The following PUS7L variants were observed in gnomAD, a reference collection of about 807,000 sequenced individuals.
PUS7L encodes the protein pseudouridine synthase 7 like.
Under a neutral mutation model 51.1 loss-of-function variants are expected in PUS7L, and 49 were observed. The observed-to-expected ratio is 0.96, with a 90% confidence interval of 0.76 to 1.22. The LOEUF is 1.22. PUS7L is among the 50% of genes most tolerant of loss of function. PUS7L has a pLI of 0.00. For synonymous variants in PUS7L, 277 were observed against 276.2 expected, an observed-to-expected ratio of 1.00 and a Z score of -0.03; for missense variants, 828 against 820.6, an observed-to-expected ratio of 1.01 and a Z score of -0.11.
At chr12:43,748,374 T>C in intron 3 of PUS7L, 76 bp downstream of exon 3, 6 of 1,082,464 alleles carry the variant, frequency 5.5e-6, no homozygotes, top group Non-Finnish European at 8.0e-6. Flanking sequence ...GTACAGGATG[T>C]TTAGAAACCA....
Position 43,721,081 on chromosome 12 carries a change from A to G in PUS7L, c.*9295T>C, listed in dbSNP as rs145660741. On this transcript the variant is annotated 3_prime_UTR_variant, in exon 9 of 9. Coordinates refer to ENST00000344862, the MANE Select transcript of PUS7L (RefSeq NM_031292.5). Reference sequence around the variant, plus strand: ...TTTCCCCAACTTTCCTTAATGTCATAAAGTTTTAGAAATATGCAGATAAAT... The same window carrying G: ...TTTCCCCAACTTTCCTTAATGTCATGAAGTTTTAGAAATATGCAGATAAAT... 51 of 152,284 alleles carry G rather than the reference A, an allele frequency of 3.3e-4. No homozygotes were observed. The East Asian group carries it at 8.5e-3, about 25-fold the overall frequency. The allele number at this position is 152,284 out of a possible 1,614,324, so 9.4% of individuals were successfully genotyped here. A position where few individuals can be genotyped will look rare whatever the true frequency, so the allele number is the denominator to read the frequency against.
chr12:43,729,571 G>T lies in PUS7L; in HGVS notation c.*805C>A, dbSNP rs1160337675. The stretch of plus-strand genomic sequence containing the variant: ...TTTTGTTCCTCCAGCAACAGAAAAT[G>T]TGGAGATAATCCTATTATTTGTCAT... On this transcript the variant is annotated 3_prime_UTR_variant, in exon 9 of 9. Transcript: ENST00000344862. The T allele has an allele frequency of 5.1e-6, 1 of 195,196 alleles. No individual in the cohort carries two copies. Among genetic ancestry groups the T allele is most frequent in the African/African-American group, 2.3e-5 (1 of 43,500 alleles). The allele number at this position is 195,196 out of a possible 1,614,324, so 12.1% of individuals were successfully genotyped here. A position where few individuals can be genotyped will look rare whatever the true frequency, so the allele number is the denominator to read the frequency against.
At position 43,722,852 on chromosome 12, in the gene PUS7L, G is replaced by C. The variant is rs964246634; in HGVS notation, c.*7524C>G. The C allele has an allele frequency of 1.3e-5, 2 of 152,062 alleles. No homozygotes were observed. The highest frequency in any genetic ancestry group is 4.8e-5 in the African/African-American group (2 of 41,410). 9.4% of individuals were successfully genotyped at this position (152,062 alleles called of 1,614,324 possible). On this transcript the variant is annotated 3_prime_UTR_variant, in exon 9 of 9. Coordinates refer to ENST00000344862, the MANE Select transcript of PUS7L (RefSeq NM_031292.5). Reference sequence around the variant, plus strand: ...CAGTAAGGCTTATTAGAAAAGGGAGGCTTGGTATAAAAGCATAAAGAATTG... The same window carrying C: ...CAGTAAGGCTTATTAGAAAAGGGAGCCTTGGTATAAAAGCATAAAGAATTG...
In PUS7L at chr12:43,727,581, A is replaced by T. The variant is rs1944471779; in HGVS notation, c.*2795T>A. The T allele has an allele frequency of 6.6e-6, 1 of 152,178 alleles. No homozygotes were observed. The highest frequency in any genetic ancestry group is 1.5e-5 in the Non-Finnish European group (1 of 68,032). 9.4% of individuals were successfully genotyped at this position (152,178 alleles called of 1,614,324 possible). On this transcript the variant is annotated 3_prime_UTR_variant, in exon 9 of 9. Transcript: ENST00000344862. ...ATTATTGTAAGCAAATTAATGCAGG[A>T]ACAGAAAACCAAATACCAAATGTTC...
rs869104501 is a variant in PUS7L at position 43,732,278 on chromosome 12, TA to T, written c.1726-521del. ...ACAACATAGGGAAATCCTGTCTATA[TA>T]AAAAAAAATTTTTTTTTATTAGCCA... On this transcript the variant is annotated intron_variant, in intron 7 of 8. Transcript: ENST00000344862. Among the ~76,000 whole-genome samples, 16 of 151,712 alleles carry T rather than the reference TA, an allele frequency of 1.1e-4. No homozygotes were observed. The South Asian group carries it at 2.9e-3, about 28-fold the overall frequency.
rs140165698 is a variant in PUS7L at position 43,719,074 on chromosome 12, A to G, written c.*11302T>C. ...AGTCCTTAAAATTTATTGAAAGTGT[A>G]AGTAATATTTTTAGAACATATACTC... On this transcript the variant is annotated 3_prime_UTR_variant, in exon 9 of 9. Coordinates refer to ENST00000344862, the MANE Select transcript of PUS7L (RefSeq NM_031292.5). 1.3e-5 allele frequency: 2 copies of G among 152,008 alleles called. No homozygotes were observed. The highest frequency in any genetic ancestry group is 4.8e-5 in the African/African-American group (2 of 41,500). The allele number at this position is 152,008 out of a possible 1,614,324, so 9.4% of individuals were successfully genotyped here. A position where few individuals can be genotyped will look rare whatever the true frequency, so the allele number is the denominator to read the frequency against.
chr12:43,755,919 G>A (rs747803579), intron 1 of PUS7L, among the ~76,000 whole-genome samples: 2 of 152,192 alleles, frequency 1.3e-5, no homozygotes, highest in African/African-American at 2.4e-5. Flanking sequence ...AACCCTTACA[G>A]AGCTTCCTGG....
At chr12:43,734,904 G>A (rs1399619864) in intron 7 of PUS7L, among the ~76,000 whole-genome samples, 1 of 152,212 alleles carries the variant, frequency 6.6e-6, no homozygotes, top group Admixed American at 6.5e-5. Flanking sequence ...TTATGAGACT[G>A]ACTTATGATA....
intron 5 of PUS7L, among the ~76,000 whole-genome samples, chr12:43,740,049 GC>G (rs1170548266): frequency 6.6e-6 from 1 of 152,018 alleles, no homozygotes; most frequent in Non-Finnish European, 1.5e-5. Context: ...TTTCATTTGT[GC>G]CCTCAATTTC....
rs921719985 is a variant in PUS7L, at chr12:43,725,747, A to T, written c.*4629T>A. On this transcript the variant is annotated 3_prime_UTR_variant, in exon 9 of 9. Coordinates refer to ENST00000344862, the MANE Select transcript of PUS7L (RefSeq NM_031292.5). ...GAAGGCAAATGTTAGGTAGATGAAA[A>T]CAGTACTGATTTAAGAAGCATAATC... 1 of 152,068 alleles carries T rather than the reference A, an allele frequency of 6.6e-6. No homozygotes were observed. The highest frequency in any genetic ancestry group is 1.5e-5 in the Non-Finnish European group (1 of 67,996). 9.4% of individuals were successfully genotyped at this position (152,068 alleles called of 1,614,324 possible).
intron 6 of PUS7L, among the ~76,000 whole-genome samples, chr12:43,736,978 A>T (rs1035178113): frequency 5.9e-5 from 9 of 152,172 alleles, no homozygotes; most frequent in Admixed American, 5.9e-4. Context: ...ACAAAATCAA[A>T]CAAACAAACA....
At chr12:43,757,477 T>G (rs1938832908) in intron 1 of PUS7L, among the ~76,000 whole-genome samples, 1 of 152,314 alleles carries the variant, frequency 6.6e-6, no homozygotes, top group South Asian at 2.1e-4. Flanking sequence ...AGCAAGTGAT[T>G]CTCTTTCACA....
At chr12:43,742,693 G>A in intron 4 of PUS7L, 138 bp from the exon 5 acceptor site, 1 of 1,234,242 alleles carries the variant, frequency 8.1e-7, no homozygotes, top group Non-Finnish European at 1.0e-6. Flanking sequence ...GGGACCAAAT[G>A]GTCTGAAAAA....
chr12:43,737,593 T>C (rs1000669002), intron 6 of PUS7L, among the ~76,000 whole-genome samples: 8 of 150,610 alleles, frequency 5.3e-5, no homozygotes, highest in African/African-American at 1.9e-4. Flanking sequence ...ATATTATAAA[T>C]AATATTATTT....
chr12:43,756,911 T>A (rs532881358), intron 1 of PUS7L, among the ~76,000 whole-genome samples: 1 of 152,328 alleles, frequency 6.6e-6, no homozygotes, highest in Admixed American at 6.5e-5. Flanking sequence ...AACCCTCTAG[T>A]CACATTTGCA....
intron 3 of PUS7L, 33 bp from the exon 4 acceptor site, chr12:43,746,271 A>T (rs1036897791): frequency 1.8e-5 from 17 of 958,398 alleles, no homozygotes; most frequent in Non-Finnish European, 2.6e-5. Context: ...ACTCAGTTAA[A>T]TTTTACATTT....
At chr12:43,752,335 C>A (rs1392606979) in intron 2 of PUS7L, among the ~76,000 whole-genome samples, 1 of 152,158 alleles carries the variant, frequency 6.6e-6, no homozygotes, top group East Asian at 1.9e-4. Context: ...CCAGAGTGAG[C>A]AATCCAAGAA....
In PUS7L at chr12:43,748,586, G is replaced by A. The variant is rs1482556786; in HGVS notation, c.934C>T (p.Leu312=). 6.3e-7 allele frequency: 1 copy of A among 1,588,846 alleles called. No individual in the cohort carries two copies. The highest frequency in any genetic ancestry group is 2.2e-5 in the East Asian group (1 of 44,728). ...AAACCAATCGCTTCAAACATTTCCA[G>A]GTTTTCCTTTCGTAGGGTAAAAGCT... ...YTAFTLRKEN[L]EMFEAIGFLA... is the part of the protein sequence containing the mutation. Residue 312 remains leucine (L), a synonymous_variant, in exon 3 of 9, where the codon CTG becomes TTG. Coordinates refer to ENST00000344862, the MANE Select transcript of PUS7L (RefSeq NM_031292.5).
chr12:43,742,597 A>G (rs1283196519), intron 4 of PUS7L, 42 bp from the exon 5 acceptor site: 4 of 1,508,164 alleles, frequency 2.7e-6, no homozygotes, highest in South Asian at 1.3e-5. Context: ...GTATATAAAT[A>G]CAATTATGTG....
Sources: gnomAD v4.1 joint callset for allele counts (sites outside exome capture counted in the v4.1 genomes callset) on GRCh38, gnomAD v4.1.1 for gene constraint, MANE v1.5 for transcripts, NCBI Gene and HGNC (gene_info 2026-07-23, HGNC 2026-07-21) for gene names.